Variants in PCDH15 observed in about 807,000 individuals in gnomAD.
The protein encoded by PCDH15 is protocadherin related 15.
In PCDH15, 129 loss-of-function variants were observed where a neutral mutation model predicts 178.5. The observed-to-expected ratio is 0.72, with a 90% CI of 0.63 to 0.84. PCDH15 has a LOEUF of 0.84. PCDH15 is among the 40% of genes least tolerant of loss of function. The pLI is 0.00. For synonymous variants in PCDH15, 800 were observed against 732.0 expected, an observed-to-expected ratio of 1.09 and a Z score of -1.50; for missense variants, 2,230 against 2,099.9, an observed-to-expected ratio of 1.06 and a Z score of -1.21.
intron 17 of PCDH15, among the ~76,000 whole-genome samples, chr10:54,074,334 A>T (rs565880928): frequency 2.7e-4 from 41 of 152,168 alleles, no homozygotes; most frequent in Non-Finnish European, 4.6e-4. Context: ...AACATTAAAC[A>T]ATAACTCCCC....
At chr10:55,171,254 T>C (rs963111887) in intron 1 of PCDH15, among the ~76,000 whole-genome samples, 3 of 152,380 alleles carry the variant, frequency 2.0e-5, no homozygotes, top group South Asian at 2.1e-4. Flanking sequence ...GCCAAGCTAC[T>C]GATTCTTACA....
At chr10:55,159,328 A>T (rs1838988351) in intron 2 of PCDH15, among the ~76,000 whole-genome samples, 1 of 144,934 alleles carries the variant, frequency 6.9e-6, no homozygotes, top group Non-Finnish European at 1.5e-5. Flanking sequence ...TTCCTTTAGG[A>T]GGTAAGATTA....
At chr10:55,288,988 T>A (rs1002482370) in intron 1 of PCDH15, among the ~76,000 whole-genome samples, 4 of 152,102 alleles carry the variant, frequency 2.6e-5, no homozygotes, top group Admixed American at 2.0e-4. Flanking sequence ...GGTCAGCTAT[T>A]TAAATTTTAT....
chr10:55,431,442 T>C (rs1838878147), intron 2 of PCDH15, among the ~76,000 whole-genome samples: 1 of 152,184 alleles, frequency 6.6e-6, no homozygotes, highest in South Asian at 2.1e-4. Flanking sequence ...TCTTAAAAAT[T>C]ACATCTGTGA....
At chr10:55,244,347 C>G (rs563734666) in intron 1 of PCDH15, among the ~76,000 whole-genome samples, 2 of 152,070 alleles carry the variant, frequency 1.3e-5, no homozygotes, top group South Asian at 2.1e-4. Context: ...AGCTAGAATA[C>G]TAACATGTAT....
intron 13 of PCDH15, among the ~76,000 whole-genome samples, chr10:54,169,508 C>T (rs1159293411): frequency 2.1e-5 from 3 of 142,148 alleles, no homozygotes; most frequent in African/African-American, 5.2e-5. Flanking sequence ...GCCCAGTTCC[C>T]TTATTAGGCT....
Position 53,938,877 on chromosome 10 carries a change from A to T in PCDH15, c.3311T>A (p.Val1104Glu), listed in dbSNP as rs747829583. Residue 1104 changes from valine to glutamate, a missense_variant, in exon 25 of 38, where the codon GTA (valine) becomes GAA (glutamate). By Grantham distance (121) the Val-to-Glu change is moderately radical. Coordinates refer to ENST00000644397, the MANE Select transcript of PCDH15 (RefSeq NM_001384140.1). The part of the protein sequence containing the change: ...PLDYETRTSY[V>E]LRVQADSLEV... The stretch of plus-strand genomic sequence containing the variant: ...CAGGGAATCAGCTTGGACTCGAAGT[A>T]CATAGCTTGTCCTGGTCTCATAATC... The T allele has an allele frequency of 3.1e-6, 5 of 1,613,666 alleles. No homozygotes were observed. The South Asian group carries it at 5.5e-5, about 18-fold the overall frequency.
At chr10:54,262,190 T>C (rs2384427) in intron 8 of PCDH15, among the ~76,000 whole-genome samples, 93,444 of 151,812 alleles carry the variant, frequency 0.62, 30,319 homozygotes, top group Middle Eastern at 0.74. Flanking sequence ...GAAGGCTTTG[T>C]TGTGCGGTGC....
At chr10:54,329,746 G>A in intron 6 of PCDH15, 40 bp from the exon 7 acceptor site, 1 of 1,276,370 alleles carries the variant, frequency 7.8e-7, no homozygotes, top group Non-Finnish European at 1.1e-6. Flanking sequence ...TTATTTGAAT[G>A]TAAGATGAAT....
chr10:54,279,037 C>G (rs558599186), intron 8 of PCDH15, among the ~76,000 whole-genome samples: 43 of 151,642 alleles, frequency 2.8e-4, no homozygotes, highest in Middle Eastern at 3.4e-3. Context: ...TGCCTTTAAG[C>G]CCTCCTTTTT....
intron 2 of PCDH15, among the ~76,000 whole-genome samples, chr10:55,025,535 C>G (rs1293572368): frequency 6.6e-6 from 1 of 152,020 alleles, no homozygotes. Flanking sequence ...TAGTCAGTTA[C>G]TTTTAGAACT....
At chr10:55,179,242 CAGTT>C (rs1434350181) in intron 1 of PCDH15, among the ~76,000 whole-genome samples, 1 of 151,998 alleles carries the variant, frequency 6.6e-6, no homozygotes, top group Non-Finnish European at 1.5e-5. Flanking sequence ...CGGCAGGAAG[CAGTT>C]AGAGCAGTCA....
At chr10:55,228,929 T>C (rs1203360977) in intron 1 of PCDH15, among the ~76,000 whole-genome samples, 1 of 151,962 alleles carries the variant, frequency 6.6e-6, no homozygotes, top group Non-Finnish European at 1.5e-5. Flanking sequence ...GCTAAGCTCA[T>C]GAGCATTAAA....
chr10:55,298,504 T>C (rs1843191530), intron 1 of PCDH15, among the ~76,000 whole-genome samples: 1 of 152,182 alleles, frequency 6.6e-6, no homozygotes, highest in African/African-American at 2.4e-5. Flanking sequence ...CCATAAATCT[T>C]TCAATTTGGG....
intron 26 of PCDH15, among the ~76,000 whole-genome samples, chr10:53,881,436 T>C (rs1404480409): frequency 6.6e-6 from 1 of 152,120 alleles, no homozygotes; most frequent in Non-Finnish European, 1.5e-5. Flanking sequence ...TTGTAACCCC[T>C]AAATGTATAA....
intron 3 of PCDH15, among the ~76,000 whole-genome samples, chr10:54,383,085 T>C (rs1342876371): frequency 6.6e-6 from 1 of 152,120 alleles, no homozygotes; most frequent in Non-Finnish European, 1.5e-5. Context: ...ATCCTACAGC[T>C]ACTAGCAATT....
intron 6 of PCDH15, among the ~76,000 whole-genome samples, chr10:54,337,113 T>C (rs527426195): frequency 5.4e-4 from 82 of 151,252 alleles, no homozygotes; most frequent in African/African-American, 1.9e-3. Flanking sequence ...TTGGAATGTA[T>C]ATATATATAT....
rs1565231035 is a variant in PCDH15, at chr10:54,421,845, CACTATATATATATATA to C, written c.158-42919_158-42904del. ...ATATATATATATATATATACACACA[CACTATATATATATATA>C]TACACACACTATATATATATATACA... On this transcript the variant is annotated intron_variant, in intron 3 of 37. Coordinates refer to ENST00000644397, the MANE Select transcript of PCDH15 (RefSeq NM_001384140.1). Among the ~76,000 whole-genome samples, 20 of 36,090 alleles carry C rather than the reference CACTATATATATATATA, an allele frequency of 5.5e-4. 1 individual carries two copies. The highest frequency in any genetic ancestry group is 0.042 in the Middle Eastern group (2 of 48). The allele number at this position is 36,090 out of a possible 152,430, so 23.7% of individuals were successfully genotyped here.
chr10:53,828,760 G>A (rs926787477), intron 30 of PCDH15, among the ~76,000 whole-genome samples, 187 bp from the exon 31 acceptor site: 4 of 152,018 alleles, frequency 2.6e-5, no homozygotes, highest in Admixed American at 1.3e-4. Flanking sequence ...TATCGTTACC[G>A]TTAGAGTCAT....
Sources: gnomAD v4.1 joint callset for allele counts (sites outside exome capture counted in the v4.1 genomes callset) on GRCh38, gnomAD v4.1.1 for gene constraint, MANE v1.5 for transcripts, NCBI Gene and HGNC (gene_info 2026-07-23, HGNC 2026-07-21) for gene names.